C3orf49: variants seen among roughly 807,000 people sequenced by gnomAD.
C3orf49 encodes the protein putative uncharacterized protein C3orf49.
In C3orf49, 27 loss-of-function variants were observed where a neutral mutation model predicts 13.3. The observed-to-expected ratio is 2.02, with a 90% CI of 1.49 to 2.79. The LOEUF is 2.79. Among genes scored for constraint, C3orf49 ranks in the 30% most tolerant of loss-of-function variants. C3orf49 has a pLI of 0.00. For missense variants in C3orf49, 242 were observed against 134.2 expected (o/e 1.80, Z -3.97); for synonymous variants, 87 against 47.6 (o/e 1.83, Z -3.40).
chr3:63,817,370 T>C (rs1273763231), upstream of C3orf49, among the ~76,000 whole-genome samples: 7 of 152,176 alleles, frequency 4.6e-5, no homozygotes, highest in Admixed American at 3.3e-4. Flanking sequence ...TATTAAGTTA[T>C]ATGAGTTCAG....
At chr3:63,788,291 G>A in the C3orf49 span, among the ~76,000 whole-genome samples, 1 of 152,166 alleles carries the variant, frequency 6.6e-6, no homozygotes, top group African/African-American at 2.4e-5. Context: ...CTAGTGAGTG[G>A]TTAGGCTGAA....
chr3:63,787,829 C>T, the C3orf49 span, among the ~76,000 whole-genome samples: 1 of 152,202 alleles, frequency 6.6e-6, no homozygotes, highest in Admixed American at 6.5e-5. Context: ...CAACCCAACT[C>T]CCAGGTTCTG....
In C3orf49 at chr3:63,823,443, C is replaced by T. The variant is rs899589115; in HGVS notation, c.319C>T (p.Gln107Ter). Residue 107 changes from glutamine to a stop codon, truncating the protein, a stop_gained, in exon 2 of 7, where the codon CAA (glutamine) becomes TAA (stop). Coordinates refer to ENST00000295896, the MANE Select transcript of C3orf49 (RefSeq NM_001355236.2). LOFTEE classifies it high-confidence loss of function. ...TAGAAGCAAGCCAGCATGTGCCAGCCAAGAGGGCTCCACTGACCATAAAGA... is the reference window on the plus strand; with the variant it reads ...TAGAAGCAAGCCAGCATGTGCCAGCTAAGAGGGCTCCACTGACCATAAAGA... ...KYRSKPACAS[Q>*]EGSTDHKEAL... 1.4e-6 allele frequency: 1 copy of T among 703,116 alleles called. No individual in the cohort carries two copies. The highest frequency in any genetic ancestry group is 2.0e-5 in the Admixed American group (1 of 49,992). The allele number at this position is 703,116 out of a possible 1,614,324, so 43.6% of individuals were successfully genotyped here.
At chr3:63,792,173 G>T in the C3orf49 span, among the ~76,000 whole-genome samples, 3 of 152,194 alleles carry the variant, frequency 2.0e-5, no homozygotes, top group African/African-American at 7.2e-5. Flanking sequence ...TTACAAACTT[G>T]CATGCCATCT....
chr3:63,831,865 C>T (rs1467065849), intron 5 of C3orf49, 21 bp downstream of exon 5: 3 of 693,366 alleles, frequency 4.3e-6, no homozygotes, highest in South Asian at 3.0e-5. Context: ...CATGTACCTG[C>T]TGCTGCTTCT....
chr3:63,818,693 G>A (rs907868051), upstream of C3orf49, among the ~76,000 whole-genome samples: 1 of 152,116 alleles, frequency 6.6e-6, no homozygotes, highest in African/African-American at 2.4e-5. Context: ...CTCAAACCGC[G>A]AGAGGGTAAC....
At chr3:63,825,152 A>G (rs1342367067) in intron 2 of C3orf49, among the ~76,000 whole-genome samples, 1 of 152,190 alleles carries the variant, frequency 6.6e-6, no homozygotes, top group Non-Finnish European at 1.5e-5. Flanking sequence ...TACATCCACC[A>G]TAATTTCACT....
chr3:63,841,772 T>C (rs1157483618), intron 5 of C3orf49, among the ~76,000 whole-genome samples: 3 of 152,170 alleles, frequency 2.0e-5, no homozygotes, highest in South Asian at 4.1e-4. Context: ...CTTGAAGAGA[T>C]TAAAATGCAG....
the C3orf49 span, chr3:63,785,853 A>G: frequency 6.6e-6 from 1 of 152,148 alleles, no homozygotes; most frequent in Admixed American, 6.6e-5. Context: ...AAAAAAAAGA[A>G]AACCACCAAA....
chr3:63,786,097 G>A, the C3orf49 span: 1 of 152,092 alleles, frequency 6.6e-6, no homozygotes, highest in African/African-American at 2.4e-5. Context: ...TAAAGAGAAA[G>A]CAAAATATTG....
intron 3 of C3orf49, among the ~76,000 whole-genome samples, chr3:63,829,810 T>C (rs1353471681): frequency 6.6e-6 from 1 of 151,394 alleles, no homozygotes; most frequent in African/African-American, 2.4e-5. Context: ...AAAAAAAATG[T>C]AAAAATTAGC....
At chr3:63,812,988 A>G in the C3orf49 span, among the ~76,000 whole-genome samples, 1 of 152,166 alleles carries the variant, frequency 6.6e-6, no homozygotes, top group Non-Finnish European at 1.5e-5. Flanking sequence ...GTGAATGTAG[A>G]TAGGTGTTTT....
At chr3:63,847,871 C>T (rs1701933120) in intron 6 of C3orf49, among the ~76,000 whole-genome samples, 2 of 152,138 alleles carry the variant, frequency 1.3e-5, no homozygotes, top group South Asian at 4.1e-4. Context: ...AATGGACACC[C>T]ATTCAATAGG....
At chr3:63,806,023 A>G in the C3orf49 span, among the ~76,000 whole-genome samples, 4 of 152,106 alleles carry the variant, frequency 2.6e-5, no homozygotes, top group African/African-American at 4.8e-5. Context: ...ACTCACCTCT[A>G]CAAGTGGAAT....
At chr3:63,818,016 C>T (rs1701344420), upstream of C3orf49, among the ~76,000 whole-genome samples, 1 of 152,098 alleles carries the variant, frequency 6.6e-6, no homozygotes, top group Non-Finnish European at 1.5e-5. Flanking sequence ...AGGATGCCAA[C>T]AGATGAGGAA....
At position 63,823,570 on chromosome 3, in the gene C3orf49, G is replaced by T; in HGVS notation, c.445+1G>T. ...AAAATGAGAAAGCTCTCAGAGAATG[G>T]TAATCATATTTGGGCAATTTGTCTT... On this transcript the variant is annotated splice_donor_variant, in intron 2 of 6. Transcript: ENST00000295896. LOFTEE classifies it high-confidence loss of function. The T allele has an allele frequency of 1.4e-6, 1 of 695,082 alleles. No individual in the cohort carries two copies. Among genetic ancestry groups the T allele is most frequent in the Non-Finnish European group, 2.6e-6 (1 of 381,772 alleles). 43.1% of individuals were successfully genotyped at this position (695,082 alleles called of 1,614,324 possible). A position where few individuals can be genotyped will look rare whatever the true frequency, so the allele number is the denominator to read the frequency against.
rs564606678 is a variant in C3orf49 at position 63,846,107 on chromosome 3, G to C, written c.*30+1025G>C. On this transcript the variant is annotated intron_variant, in intron 6 of 6. Coordinates refer to ENST00000295896, the MANE Select transcript of C3orf49 (RefSeq NM_001355236.2). ...GAAATGGAAGATATTCCCTTACCAA[G>C]GATGGTAAAACTGATGTAACTCCTA... The C allele has an allele frequency of 5.3e-4, 192 of 365,320 alleles. 1 individual carries two copies. The highest frequency in any genetic ancestry group is 4.0e-3 in the African/African-American group (183 of 46,146). 22.6% of individuals were successfully genotyped at this position (365,320 alleles called of 1,614,324 possible).
the C3orf49 span, among the ~76,000 whole-genome samples, chr3:63,786,707 G>A: frequency 7.9e-4 from 120 of 152,212 alleles, no homozygotes; most frequent in African/African-American, 2.7e-3. Context: ...CTTCAAACAC[G>A]TTGTCTTTTA....
At chr3:63,823,893 C>T (rs1377954811) in intron 2 of C3orf49, among the ~76,000 whole-genome samples, 1 of 151,606 alleles carries the variant, frequency 6.6e-6, no homozygotes, top group African/African-American at 2.4e-5. Flanking sequence ...CTCTGCCTTC[C>T]GGGTTCAAGC....
Sources: gnomAD v4.1 joint callset for allele counts (sites outside exome capture counted in the v4.1 genomes callset) on GRCh38, gnomAD v4.1.1 for gene constraint, MANE v1.5 for transcripts, NCBI Gene and HGNC (gene_info 2026-07-23, HGNC 2026-07-21) for gene names.